Variants in FAM13A observed in about 807,000 individuals in gnomAD.
FAM13A encodes protein FAM13A.
A neutral mutation model predicts 129.6 loss-of-function variants in FAM13A; 76 were observed. The ratio of observed to expected loss-of-function variants is 0.59; its 90% confidence interval spans 0.49 to 0.71. The LOEUF is 0.71. Among genes scored for constraint, FAM13A ranks in the 30% least tolerant of loss-of-function variants. The pLI is 0.00. For missense variants in FAM13A, 1,108 were observed against 1,249.3 expected (o/e 0.89, Z 1.70); for synonymous variants, 443 against 449.9 (o/e 0.98, Z 0.20).
chr4:88,903,851 G>A (rs1008239415), intron 6 of FAM13A, among the ~76,000 whole-genome samples: 16 of 152,200 alleles, frequency 1.1e-4, no homozygotes, highest in East Asian at 3.9e-4. Flanking sequence ...CCTGCAGAAC[G>A]GGAGAAAATG....
At chr4:88,972,695 C>T (rs566613387) in intron 4 of FAM13A, among the ~76,000 whole-genome samples, 107 of 152,074 alleles carry the variant, frequency 7.0e-4, no homozygotes, top group Middle Eastern at 6.8e-3. Flanking sequence ...GCAGCCTCTG[C>T]CTCCCAGTTC....
At chr4:88,884,623 A>T (rs774074329) in intron 6 of FAM13A, among the ~76,000 whole-genome samples, 1 of 152,196 alleles carries the variant, frequency 6.6e-6, no homozygotes, top group Non-Finnish European at 1.5e-5. Context: ...ACTTCTATTC[A>T]ACATAGTACT....
rs77546245 is a variant in FAM13A at position 88,731,453 on chromosome 4, G to A, written c.2844-25C>T. On this transcript the variant is annotated intron_variant, in intron 22 of 23. Transcript: ENST00000264344. ...TCTAAGAGAGAGGAAGCATTGCAAGGAAATTAAGTTAAATTTGAGTTGTCA... is the reference window on the plus strand; with the variant it reads ...TCTAAGAGAGAGGAAGCATTGCAAGAAAATTAAGTTAAATTTGAGTTGTCA... 3,532 of 1,376,272 alleles carry A rather than the reference G, an allele frequency of 2.6e-3. 10 individuals are homozygous for A. Among genetic ancestry groups the A allele is most frequent in the Non-Finnish European group, 3.2e-3 (3,145 of 985,170 alleles). 85.3% of individuals were successfully genotyped at this position (1,376,272 alleles called of 1,614,324 possible). A position where few individuals can be genotyped will look rare whatever the true frequency, so the allele number is the denominator to read the frequency against.
At chr4:88,870,433 T>C (rs1014226213) in intron 6 of FAM13A, among the ~76,000 whole-genome samples, 7 of 152,246 alleles carry the variant, frequency 4.6e-5, no homozygotes, top group Non-Finnish European at 1.0e-4. Flanking sequence ...CCTGCCCTAA[T>C]ACTGCAATTT....
chr4:88,890,368 A>C lies in FAM13A; in HGVS notation c.843+16011T>G, dbSNP rs530772250. ...TGGATCCTCCGAACCAGGGAGAACA[A>C]GCTGGATATGCACTGGATTTCCCAG... On this transcript the variant is annotated intron_variant, in intron 6 of 23. Transcript: ENST00000264344. 2.8e-4 allele frequency among the ~76,000 whole-genome samples: 43 copies of C among 152,324 alleles called. No homozygotes were observed. In the East Asian group the frequency reaches 8.1e-3, roughly 29 times the overall value.
intron 1 of FAM13A, among the ~76,000 whole-genome samples, chr4:89,043,208 G>A (rs1206852685): frequency 6.6e-6 from 1 of 152,212 alleles, no homozygotes; most frequent in African/African-American, 2.4e-5. Context: ...GATTAGAGAA[G>A]AGGCGGGAGA....
intron 7 of FAM13A, among the ~76,000 whole-genome samples, chr4:88,806,235 A>C (rs903133032): frequency 6.6e-6 from 1 of 152,162 alleles, no homozygotes; most frequent in Non-Finnish European, 1.5e-5. Flanking sequence ...TAAAGTATTA[A>C]ATAAAATGAA....
At chr4:88,730,541 C>G (rs1737471702) in intron 23 of FAM13A, among the ~76,000 whole-genome samples, 1 of 152,074 alleles carries the variant, frequency 6.6e-6, no homozygotes, top group African/African-American at 2.4e-5. Context: ...CAGGCCTGTG[C>G]TACTGCACCC....
At chr4:88,854,392 T>C (rs909144568) in intron 6 of FAM13A, among the ~76,000 whole-genome samples, 2 of 152,154 alleles carry the variant, frequency 1.3e-5, no homozygotes, top group African/African-American at 2.4e-5. Context: ...TGGAAAGACA[T>C]ACCTGCAGCC....
chr4:88,826,882 C>T (rs138470742), intron 7 of FAM13A, among the ~76,000 whole-genome samples: 6 of 152,304 alleles, frequency 3.9e-5, no homozygotes, highest in South Asian at 2.1e-4. Context: ...ATCTGCCCCT[C>T]GCTACTTGCT....
intron 4 of FAM13A, among the ~76,000 whole-genome samples, chr4:88,985,547 G>A (rs1000755009): frequency 6.6e-6 from 1 of 152,136 alleles, no homozygotes; most frequent in African/African-American, 2.4e-5. Context: ...CAAAATTTTT[G>A]CGAAATCCTC....
At chr4:88,792,465 T>C (rs1221523627) in intron 8 of FAM13A, among the ~76,000 whole-genome samples, 1 of 152,146 alleles carries the variant, frequency 6.6e-6, no homozygotes, top group Non-Finnish European at 1.5e-5. Flanking sequence ...ATGCCTGTTA[T>C]TCATAGTGGT....
chr4:88,830,342 T>C (rs1210097529), intron 7 of FAM13A, among the ~76,000 whole-genome samples: 1 of 152,176 alleles, frequency 6.6e-6, no homozygotes, highest in South Asian at 2.1e-4. Context: ...CAAAACCATA[T>C]AAAAAGCTTG....
chr4:88,934,696 A>T lies in FAM13A; in HGVS notation c.759+3392T>A, dbSNP rs192511242. Among the ~76,000 whole-genome samples, 12 of 152,330 alleles carry T rather than the reference A, an allele frequency of 7.9e-5. No individual in the cohort carries two copies. The East Asian group carries it at 2.3e-3, about 29-fold the overall frequency. On this transcript the variant is annotated intron_variant, in intron 5 of 23. Transcript: ENST00000264344. ...TGACAAAATAAAAATGTTCCTATGT[A>T]AATTCCCTTCTTGAAACCTATAAAA...
chr4:88,968,873 A>G (rs537437635), intron 4 of FAM13A, among the ~76,000 whole-genome samples: 89 of 152,196 alleles, frequency 5.8e-4, no homozygotes, highest in Non-Finnish European at 1.1e-3. Context: ...TAACGCTGTT[A>G]GGGATTTTGG....
In FAM13A at chr4:88,987,715, G is replaced by A. The variant is rs571298518; in HGVS notation, c.605+3258C>T. 7.3e-5 allele frequency among the ~76,000 whole-genome samples: 11 copies of A among 151,490 alleles called. No individual in the cohort carries two copies. The South Asian group carries it at 1.0e-3, about 14-fold the overall frequency. The stretch of plus-strand genomic sequence containing the variant: ...AAATTAGCCAGGCGTGGTGGCGGGC[G>A]CCTGTAGTCCCAGCTACTCCTGAGG... On this transcript the variant is annotated intron_variant, in intron 4 of 23. Transcript: ENST00000264344.
intron 6 of FAM13A, among the ~76,000 whole-genome samples, chr4:88,899,135 CGT>C (rs976079836): frequency 3.3e-5 from 5 of 150,740 alleles, no homozygotes; most frequent in Non-Finnish European, 5.9e-5. Flanking sequence ...TACATACATA[CGT>C]ATATATATGA....
intron 6 of FAM13A, among the ~76,000 whole-genome samples, chr4:88,881,923 AG>A (rs1278926984): frequency 1.3e-5 from 2 of 152,106 alleles, no homozygotes; most frequent in African/African-American, 2.4e-5. Flanking sequence ...TCAATCCAAC[AG>A]AGACAAAGAA....
At chr4:88,986,054 A>C (rs1340557409) in intron 4 of FAM13A, among the ~76,000 whole-genome samples, 1 of 152,182 alleles carries the variant, frequency 6.6e-6, no homozygotes, top group Non-Finnish European at 1.5e-5. Context: ...TTCCAAAGAC[A>C]CCAAGAGGTT....
Sources: gnomAD v4.1 joint callset for allele counts (sites outside exome capture counted in the v4.1 genomes callset) on GRCh38, gnomAD v4.1.1 for gene constraint, MANE v1.5 for transcripts, NCBI Gene and HGNC (gene_info 2026-07-23, HGNC 2026-07-21) for gene names.